HPR: variants seen among roughly 807,000 people sequenced by gnomAD.
HPR encodes the protein Haptoglobin-related locus.
A neutral mutation model predicts 18.5 loss-of-function variants in HPR; 17 were observed. That is an observed-to-expected ratio of 0.92 (90% CI 0.63 to 1.38). The LOEUF (loss-of-function observed/expected upper bound fraction) is 1.38, where lower values mean the gene tolerates loss of function less well. Ranked by LOEUF, HPR falls within the 40% of genes most tolerant of loss-of-function variation. The probability of loss-of-function intolerance (pLI) is 0.00; values close to 1 mark genes in which losing one functional copy is unlikely to be tolerated. For synonymous variants in HPR, 176 were observed against 165.0 expected (o/e 1.07, Z -0.51); for missense variants, 457 against 432.4 (o/e 1.06, Z -0.51).
intron 1 of HPR, among the ~76,000 whole-genome samples, chr16:72,069,354 T>C (rs1305147533): frequency 6.6e-6 from 1 of 152,178 alleles, no homozygotes; most frequent in Non-Finnish European, 1.5e-5. Context: ...AAGCCTTTCT[T>C]TTGAAAGTCG....
intron 1 of HPR, among the ~76,000 whole-genome samples, chr16:72,069,811 C>T (rs957765892): frequency 3.9e-5 from 6 of 152,114 alleles, no homozygotes; most frequent in Non-Finnish European, 7.4e-5. Flanking sequence ...ACTGAAATGC[C>T]CCCAATTGGT....
Position 72,077,015 on chromosome 16 carries a change from G to A in HPR, c.981G>A (p.Glu327=). The change falls in exon 5 of 5, where the codon GAG becomes GAA. Residue 327 remains glutamate, a synonymous_variant. Coordinates refer to ENST00000540303, the MANE Select transcript of HPR (RefSeq NM_020995.4). ...TTGATAAGAGCTGTGCTGTGGCTGAGTATGGTGTGTATGTGAAGGTGACTT... is the reference window on the plus strand; with the variant it reads ...TTGATAAGAGCTGTGCTGTGGCTGAATATGGTGTGTATGTGAAGGTGACTT... The part of the protein sequence containing the change: ...LSFDKSCAVA[E]YGVYVKVTSI... The A allele has an allele frequency of 4.3e-6, 7 of 1,614,152 alleles. No individual in the cohort carries two copies. The highest frequency in any genetic ancestry group is 5.9e-6 in the Non-Finnish European group (7 of 1,180,032).
At chr16:72,068,317 C>T (rs113292445) in intron 1 of HPR, among the ~76,000 whole-genome samples, 2 of 152,216 alleles carry the variant, frequency 1.3e-5, no homozygotes, top group African/African-American at 4.8e-5. Flanking sequence ...AGGATAGGGC[C>T]TGAATGGGTC....
intron 3 of HPR, chr16:72,074,827 C>T: frequency 6.2e-6 from 4 of 647,220 alleles, no homozygotes; most frequent in Non-Finnish European, 1.1e-5. Context: ...GAGGCACCGA[C>T]AGGTTGAGTA....
intron 3 of HPR, 73 bp downstream of exon 3, chr16:72,074,458 G>T (rs2041695727): frequency 7.6e-7 from 1 of 1,315,552 alleles, no homozygotes; most frequent in African/African-American, 1.4e-5. Context: ...GGGTGGTGCT[G>T]AGGTGATTTG....
At chr16:72,075,317 C>G (rs561661469) in intron 4 of HPR, 98 bp downstream of exon 4, 1 of 654,202 alleles carries the variant, frequency 1.5e-6, no homozygotes, top group Non-Finnish European at 2.7e-6. Context: ...TCTGAGCACA[C>G]AAGAGCCAGG....
chr16:72,071,492 G>C (rs1192549005), intron 1 of HPR, among the ~76,000 whole-genome samples: 1 of 152,120 alleles, frequency 6.6e-6, no homozygotes, highest in Non-Finnish European at 1.5e-5. Flanking sequence ...TTTCTCTGCT[G>C]TTCCCTGAAG....
intron 1 of HPR, 194 bp from the exon 2 acceptor site, chr16:72,073,698 T>G (rs1274759005): frequency 6.7e-7 from 1 of 1,484,652 alleles, no homozygotes; most frequent in Non-Finnish European, 9.0e-7. Flanking sequence ...GGGCGGAGGG[T>G]GGGGGCAACT....
intron 1 of HPR, among the ~76,000 whole-genome samples, chr16:72,065,283 A>G (rs1453167902): frequency 6.6e-6 from 1 of 152,150 alleles, no homozygotes; most frequent in East Asian, 1.9e-4. Context: ...AGGTGGGGCT[A>G]AAAGATAGGC....
chr16:72,075,294 C>T lies in HPR; in HGVS notation c.268+75C>T. Reference sequence around the variant, plus strand: ...GGAACGTCCTAGAGGCACAGCCTTCCAGTGCGGCTTCCTCTGAGCACACAA... The same window carrying T: ...GGAACGTCCTAGAGGCACAGCCTTCTAGTGCGGCTTCCTCTGAGCACACAA... On this transcript the variant is annotated intron_variant, in intron 4 of 4. Coordinates refer to ENST00000540303, the MANE Select transcript of HPR (RefSeq NM_020995.4). 3 of 744,916 alleles carry T rather than the reference C, an allele frequency of 4.0e-6. 1 individual carries two copies. Among genetic ancestry groups the T allele is most frequent in the South Asian group, 3.7e-5 (2 of 53,822 alleles). The allele number at this position is 744,916 out of a possible 1,614,324, so 46.1% of individuals were successfully genotyped here.
intron 1 of HPR, among the ~76,000 whole-genome samples, chr16:72,066,277 T>G (rs1326958054): frequency 6.6e-6 from 1 of 152,108 alleles, no homozygotes; most frequent in Non-Finnish European, 1.5e-5. Context: ...GCAGATCAAG[T>G]TGATCAATTC....
In HPR at chr16:72,076,894, A is replaced by T. The variant is rs775848664; in HGVS notation, c.860A>T (p.Lys287Met). The change falls in exon 5 of 5, where the codon AAG (lysine) becomes ATG (methionine). Residue 287 changes from lysine (K) to methionine (M), a missense_variant. Transcript: ENST00000540303. ...CACACCTTCTGTGTCGGCATGTCTA[A>T]GTACCAGGAAGACACCTGCTATGGC... ...NEHTFCVGMS[K>M]YQEDTCYGDA... The T allele has an allele frequency of 5.0e-6, 8 of 1,614,130 alleles. No homozygotes were observed. The African/African-American group carries it at 1.1e-4, about 22-fold the overall frequency.
intron 1 of HPR, among the ~76,000 whole-genome samples, chr16:72,068,821 A>T (rs2041624391): frequency 6.6e-6 from 1 of 152,168 alleles, no homozygotes; most frequent in African/African-American, 2.4e-5. Flanking sequence ...TTAAATAAAA[A>T]AGCAGGAAGG....
intron 1 of HPR, among the ~76,000 whole-genome samples, chr16:72,069,220 C>G (rs1252581083): frequency 6.6e-6 from 1 of 152,090 alleles, no homozygotes; most frequent in African/African-American, 2.4e-5. Context: ...AAAAGTTGGA[C>G]TGAATGTGGC....
chr16:72,076,558 T>C lies in HPR; in HGVS notation c.524T>C (p.Ile175Thr), dbSNP rs1449745185. ...LYVGKKQLVE[I>T]EKVVLHPNYH... The stretch of plus-strand genomic sequence containing the variant: ...GTGGGGAAAAAGCAGCTTGTAGAGA[T>C]TGAGAAGGTGGTTCTACACCCTAAC... Residue 175 changes from isoleucine to threonine, a missense_variant, in exon 5 of 5, where the codon ATT (isoleucine) becomes ACT (threonine). By Grantham distance (89) the Ile-to-Thr change is moderately conservative (BLOSUM62 -1). Transcript: ENST00000540303. The C allele has an allele frequency of 1.2e-6, 2 of 1,614,148 alleles. No individual in the cohort carries two copies. The highest frequency in any genetic ancestry group is 1.7e-6 in the Non-Finnish European group (2 of 1,180,028).
intron 1 of HPR, among the ~76,000 whole-genome samples, chr16:72,070,626 T>G (rs2041644793): frequency 6.6e-6 from 1 of 152,168 alleles, no homozygotes; most frequent in Non-Finnish European, 1.5e-5. Flanking sequence ...ACTTGTTTAT[T>G]TTTTCTTTTC....
Position 72,073,161 on chromosome 16 carries a change from C to G in HPR, c.6-731C>G, listed in dbSNP as rs1281599251. Among the ~76,000 whole-genome samples, 5 of 152,248 alleles carry G rather than the reference C, an allele frequency of 3.3e-5. No homozygotes were observed. The South Asian group carries it at 1.0e-3, about 32-fold the overall frequency. ...CCAACCGGGTTCAGCTTAGATTGTA[C>G]GGTCCAACTCTAGCCAATGGAGTCA... On this transcript the variant is annotated intron_variant, in intron 1 of 4. Transcript: ENST00000540303.
At chr16:72,063,474 G>T (rs1377503006) in intron 1 of HPR, among the ~76,000 whole-genome samples, 1 of 152,104 alleles carries the variant, frequency 6.6e-6, no homozygotes, top group Non-Finnish European at 1.5e-5. Context: ...TTTACTCTCA[G>T]GAGTGTCTTT....
intron 1 of HPR, among the ~76,000 whole-genome samples, chr16:72,069,525 A>T (rs1450966894): frequency 5.3e-5 from 8 of 152,168 alleles, no homozygotes; most frequent in Non-Finnish European, 7.3e-5. Context: ...GAAGACCAGA[A>T]TGAAAACGGC....
Sources: allele counts gnomAD v4.1 joint callset (sites outside exome capture counted in the v4.1 genomes callset), GRCh38; gene constraint gnomAD v4.1.1; transcripts MANE v1.5; gene names NCBI Gene and HGNC (gene_info 2026-07-23, HGNC 2026-07-21).